Variants in SDK1 observed in about 807,000 individuals in gnomAD.
The protein encoded by SDK1 is protein sidekick-1.
Under a neutral mutation model 245.5 loss-of-function variants are expected in SDK1, and 157 were observed. The ratio of observed to expected loss-of-function variants is 0.64; its 90% CI spans 0.56 to 0.73. SDK1 has a LOEUF of 0.73. Among genes scored for constraint, SDK1 ranks in the 30% least tolerant of loss-of-function variants. SDK1 has a pLI of 0.00. For synonymous variants in SDK1, 1,647 were observed against 1,278.5 expected, an observed-to-expected ratio of 1.29 and a Z score of -6.15; for missense variants, 3,583 against 3,002.3, an observed-to-expected ratio of 1.19 and a Z score of -4.52.
At chr7:3,793,456 G>T (rs1778869009) in intron 4 of SDK1, among the ~76,000 whole-genome samples, 1 of 152,160 alleles carries the variant, frequency 6.6e-6, no homozygotes, top group Admixed American at 6.5e-5. Context: ...AGTGCACAAT[G>T]ACGGTGGCTT....
intron 1 of SDK1, among the ~76,000 whole-genome samples, chr7:3,395,456 C>T (rs1781872860): frequency 6.6e-6 from 1 of 151,748 alleles, no homozygotes; most frequent in South Asian, 2.1e-4. Flanking sequence ...TCTCGCTTTG[C>T]TATCAGGGTG....
chr7:3,352,016 T>A (rs1034957506), intron 1 of SDK1, among the ~76,000 whole-genome samples: 2 of 151,926 alleles, frequency 1.3e-5, no homozygotes, highest in African/African-American at 4.8e-5. Flanking sequence ...ATTGAAATCA[T>A]GTAGAGTATT....
rs150152442 is a variant in SDK1 at position 4,233,561 on chromosome 7, C to T, written c.5992+142C>T. The T allele has an allele frequency of 2.8e-3, 2,188 of 773,352 alleles. 35 individuals are homozygous for T. In the African/African-American group the frequency reaches 0.034, roughly 12 times the overall value. The allele number at this position is 773,352 out of a possible 1,614,324, so 47.9% of individuals were successfully genotyped here. On this transcript the variant is annotated intron_variant, in intron 41 of 44. Coordinates refer to ENST00000404826, the MANE Select transcript of SDK1 (RefSeq NM_152744.4). The stretch of plus-strand genomic sequence containing the variant: ...AGGGGGACCCAGGGAGGTCTGTCTT[C>T]TCCTGAAGGATGGGAGGGAGAAATG...
At chr7:3,496,410 A>G (rs1230246878) in intron 1 of SDK1, among the ~76,000 whole-genome samples, 3 of 151,688 alleles carry the variant, frequency 2.0e-5, no homozygotes, top group Non-Finnish European at 4.4e-5. Context: ...TTCTTTATAG[A>G]TGATAAATAA....
chr7:4,092,538 C>T (rs1781874788), intron 22 of SDK1, among the ~76,000 whole-genome samples: 1 of 152,154 alleles, frequency 6.6e-6, no homozygotes, highest in Admixed American at 6.5e-5. Context: ...CAAACCCAGG[C>T]CTTCTCTGCT....
chr7:3,507,921 A>T (rs7794298), intron 1 of SDK1, among the ~76,000 whole-genome samples: 1 of 152,150 alleles, frequency 6.6e-6, no homozygotes, highest in African/African-American at 2.4e-5. Context: ...CCTATGGTTT[A>T]AACCTATCTC....
At chr7:3,805,842 A>C (rs998754917) in intron 4 of SDK1, among the ~76,000 whole-genome samples, 6 of 152,186 alleles carry the variant, frequency 3.9e-5, no homozygotes, top group Non-Finnish European at 7.3e-5. Flanking sequence ...AGAATGACCA[A>C]ATTAATGGAG....
At chr7:4,222,634 C>T (rs959624980) in intron 40 of SDK1, among the ~76,000 whole-genome samples, 2 of 152,154 alleles carry the variant, frequency 1.3e-5, no homozygotes, top group African/African-American at 2.4e-5. Context: ...AGTGCAGAAG[C>T]GTGAAAAAGC....
At chr7:3,761,567 A>T (rs1209255170) in intron 4 of SDK1, among the ~76,000 whole-genome samples, 1 of 149,698 alleles carries the variant, frequency 6.7e-6, no homozygotes, top group Non-Finnish European at 1.5e-5. Context: ...AAAAAAAAAA[A>T]TAATAATAAT....
Position 3,927,475 on chromosome 7 carries a change from A to G in SDK1, c.848-23448A>G, listed in dbSNP as rs559308256. On this transcript the variant is annotated intron_variant, in intron 5 of 44. Transcript: ENST00000404826. ...CCCTTTTCTCCTGTAGTAAAGGGGA[A>G]CTTGGAAGGAAACAGAAGCCTGCCA... Among the ~76,000 whole-genome samples, 6 of 152,324 alleles carry G rather than the reference A, an allele frequency of 3.9e-5. No homozygotes were observed. The East Asian group carries it at 1.2e-3, about 29-fold the overall frequency.
intron 1 of SDK1, among the ~76,000 whole-genome samples, chr7:3,528,475 C>T (rs940764072): frequency 6.6e-5 from 10 of 151,908 alleles, no homozygotes; most frequent in Admixed American, 2.0e-4. Flanking sequence ...TTCTTTTAGG[C>T]ATAAGAGAAG....
intron 13 of SDK1, among the ~76,000 whole-genome samples, chr7:3,983,717 A>G (rs1783598285): frequency 6.6e-6 from 1 of 152,204 alleles, no homozygotes; most frequent in Non-Finnish European, 1.5e-5. Flanking sequence ...GGTGATATTG[A>G]ACACAAGAGA....
chr7:3,839,292 A>G (rs1393819949), intron 5 of SDK1, among the ~76,000 whole-genome samples: 1 of 152,190 alleles, frequency 6.6e-6, no homozygotes, highest in East Asian at 1.9e-4. Flanking sequence ...TTCAAACATT[A>G]GGGTCGGTAT....
chr7:3,567,445 A>G (rs1222695823), intron 1 of SDK1, among the ~76,000 whole-genome samples: 4 of 152,210 alleles, frequency 2.6e-5, no homozygotes, highest in African/African-American at 9.6e-5. Flanking sequence ...CTTACTTTGA[A>G]TATTTATTGT....
chr7:4,256,634 C>G (rs117890765), intron 44 of SDK1, among the ~76,000 whole-genome samples: 2,867 of 152,294 alleles, frequency 0.019, 65 homozygotes, highest in South Asian at 0.12. Flanking sequence ...ACAATATAAA[C>G]CGAAATGTTG....
chr7:3,723,955 G>T (rs1023062282), intron 4 of SDK1, among the ~76,000 whole-genome samples: 63 of 148,238 alleles, frequency 4.2e-4, no homozygotes, highest in Middle Eastern at 3.6e-3. Context: ...GAGAGAGAGA[G>T]AGAGAGAGAG....
chr7:3,869,810 C>T (rs1002513681), intron 5 of SDK1, among the ~76,000 whole-genome samples: 3 of 152,224 alleles, frequency 2.0e-5, no homozygotes, highest in African/African-American at 7.2e-5. Flanking sequence ...ACAGTGTACA[C>T]TTAAATTAAA....
chr7:3,713,586 G>C (rs1352536477), intron 4 of SDK1, among the ~76,000 whole-genome samples: 7 of 152,124 alleles, frequency 4.6e-5, no homozygotes, highest in Admixed American at 2.6e-4. Context: ...TTATACCTGA[G>C]AGTACAGAAA....
At chr7:3,320,874 G>C (rs1353505140) in intron 1 of SDK1, among the ~76,000 whole-genome samples, 1 of 150,420 alleles carries the variant, frequency 6.6e-6, no homozygotes, top group Non-Finnish European at 1.5e-5. Context: ...TAGTATGTTG[G>C]TACTGTAAGG....
Sources: gnomAD v4.1 joint callset for allele counts (sites outside exome capture counted in the v4.1 genomes callset) on GRCh38, gnomAD v4.1.1 for gene constraint, MANE v1.5 for transcripts, NCBI Gene and HGNC (gene_info 2026-07-23, HGNC 2026-07-21) for gene names.